Variants in DYNC1LI1 observed in about 807,000 individuals in gnomAD.
DYNC1LI1 encodes dynein cytoplasmic 1 light intermediate chain 1.
A neutral mutation model predicts 63.8 loss-of-function variants in DYNC1LI1; 19 were observed. That is an observed-to-expected ratio of 0.30 (90% CI 0.21 to 0.44). The LOEUF (loss-of-function observed/expected upper bound fraction) is 0.44. Among genes scored for constraint, DYNC1LI1 ranks in the 20% least tolerant of loss-of-function variants. The probability of loss-of-function intolerance (pLI) is 1.00; values close to 1 mark genes in which losing one functional copy is unlikely to be tolerated. For synonymous variants in DYNC1LI1, 225 were observed against 232.3 expected, an observed-to-expected ratio of 0.97 and a Z score of 0.28; for missense variants, 565 against 630.2, an observed-to-expected ratio of 0.90 and a Z score of 1.11.
Position 32,545,030 on chromosome 3 carries a change from G to C in DYNC1LI1, c.414C>G (p.Ala138=). 6.2e-7 allele frequency: 1 copy of C among 1,613,830 alleles called. No homozygotes were observed. Among genetic ancestry groups the C allele is most frequent in the South Asian group, 1.1e-5 (1 of 91,062 alleles). ...HKGLLKFSLD[A]VSLKDTLVML... is the part of the protein sequence containing the mutation. ...TAACTAGAGTATCCTTCAGAGATAC[G>C]GCATCCAGTGAAAATTTAAGGAGGC... The change falls in exon 4 of 13, where the codon GCC becomes GCG. Residue 138 remains alanine (A), a synonymous_variant. Coordinates refer to ENST00000273130, the MANE Select transcript of DYNC1LI1 (RefSeq NM_016141.4).
intron 5 of DYNC1LI1, among the ~76,000 whole-genome samples, chr3:32,539,478 C>T (rs1044392036): frequency 2.0e-5 from 3 of 151,942 alleles, no homozygotes; most frequent in East Asian, 1.9e-4. Flanking sequence ...CCATGACTTA[C>T]GAACAGTAAA....
chr3:32,570,550 C>T, intron 1 of DYNC1LI1, 75 bp downstream of exon 1: 1 of 1,511,326 alleles, frequency 6.6e-7, no homozygotes, highest in Non-Finnish European at 8.9e-7. Context: ...CGAGCTCCAG[C>T]GGGCACGGGA....
chr3:32,543,407 T>G (rs985477306), intron 4 of DYNC1LI1, among the ~76,000 whole-genome samples: 1 of 148,732 alleles, frequency 6.7e-6, no homozygotes, highest in Non-Finnish European at 1.5e-5. Flanking sequence ...TCTTTTTTTT[T>G]TTTTTTTTTT....
chr3:32,563,342 G>A (rs1341557630), intron 2 of DYNC1LI1, among the ~76,000 whole-genome samples: 1 of 148,094 alleles, frequency 6.8e-6, no homozygotes, highest in Non-Finnish European at 1.5e-5. Flanking sequence ...CCAGGCTGGA[G>A]TGCGGTGGCA....
chr3:32,530,364 C>T (rs115854413), intron 9 of DYNC1LI1, 36 bp from the exon 10 acceptor site: 2 of 1,562,588 alleles, frequency 1.3e-6, no homozygotes, highest in East Asian at 4.6e-5. Flanking sequence ...CTAGTTTAGA[C>T]ATTCATAGCA....
At chr3:32,569,565 T>C (rs1458960819) in intron 2 of DYNC1LI1, among the ~76,000 whole-genome samples, 1 of 152,186 alleles carries the variant, frequency 6.6e-6, no homozygotes, top group East Asian at 1.9e-4. Context: ...TGTAAAGAGC[T>C]ATATAGAGAA....
Position 32,561,787 on chromosome 3 carries a change from A to G in DYNC1LI1, c.220+8559T>C, listed in dbSNP as rs186127135. On this transcript the variant is annotated intron_variant, in intron 2 of 12. Transcript: ENST00000273130. ...GTATAACAATAATAATCTGTCTACC[A>G]ATCCATTATAATTATGGTATATCTA... Among the ~76,000 whole-genome samples, 10 of 152,272 alleles carry G rather than the reference A, an allele frequency of 6.6e-5. No individual in the cohort carries two copies. In the East Asian group the frequency reaches 1.7e-3, roughly 26 times the overall value.
intron 12 of DYNC1LI1, 78 bp downstream of exon 12, chr3:32,528,367 AC>A: frequency 6.6e-7 from 1 of 1,514,102 alleles, no homozygotes; most frequent in East Asian, 2.3e-5. Context: ...ACAGAATTAT[AC>A]ACTTTACATG....
chr3:32,558,518 C>A (rs756881835), intron 2 of DYNC1LI1, among the ~76,000 whole-genome samples: 27 of 150,908 alleles, frequency 1.8e-4, no homozygotes, highest in Non-Finnish European at 3.5e-4. Flanking sequence ...TCTAACTCAA[C>A]AATAGAATGT....
chr3:32,568,385 G>C (rs1045505125), intron 2 of DYNC1LI1, among the ~76,000 whole-genome samples: 1 of 152,118 alleles, frequency 6.6e-6, no homozygotes, highest in African/African-American at 2.4e-5. Context: ...ATACAAATCA[G>C]TTATTAGCTC....
At chr3:32,544,656 T>C (rs905258864) in intron 4 of DYNC1LI1, among the ~76,000 whole-genome samples, 8 of 151,072 alleles carry the variant, frequency 5.3e-5, no homozygotes, top group South Asian at 4.2e-4. Flanking sequence ...TAATACCAGC[T>C]ACTTGAACCC....
At chr3:32,529,770 C>A in intron 10 of DYNC1LI1, 110 bp from the exon 11 acceptor site, 1 of 927,840 alleles carries the variant, frequency 1.1e-6, no homozygotes, top group Non-Finnish European at 1.6e-6. Context: ...TCTACTGGTA[C>A]TTTTACACTG....
chr3:32,528,317 A>T, intron 12 of DYNC1LI1, 129 bp downstream of exon 12: 1 of 936,224 alleles, frequency 1.1e-6, no homozygotes, highest in Non-Finnish European at 1.6e-6. Flanking sequence ...AAATCAGATT[A>T]TGGTGATGGC....
At chr3:32,562,403 G>A (rs926997475) in intron 2 of DYNC1LI1, among the ~76,000 whole-genome samples, 8 of 152,152 alleles carry the variant, frequency 5.3e-5, no homozygotes, top group Admixed American at 2.0e-4. Flanking sequence ...GCAGTGGTGT[G>A]ATCACAGCTC....
At chr3:32,544,846 A>C in intron 4 of DYNC1LI1, 30 bp downstream of exon 4, 1 of 1,482,682 alleles carries the variant, frequency 6.7e-7, no homozygotes. Flanking sequence ...TTGTATTTGA[A>C]ACCTACATTA....
intron 2 of DYNC1LI1, among the ~76,000 whole-genome samples, chr3:32,559,058 C>CTT (rs113088362): frequency 2.4e-4 from 34 of 141,678 alleles, no homozygotes; most frequent in Admixed American, 9.2e-4. Flanking sequence ...ATTACTACTA[C>CTT]TTTTTTTTTT....
At chr3:32,541,671 A>T (rs995623492) in intron 4 of DYNC1LI1, among the ~76,000 whole-genome samples, 2 of 152,230 alleles carry the variant, frequency 1.3e-5, no homozygotes, top group Non-Finnish European at 2.9e-5. Context: ...ATCTTGGGCC[A>T]TGCTCATTCT....
At chr3:32,551,430 T>C (rs1202349007) in intron 2 of DYNC1LI1, among the ~76,000 whole-genome samples, 1 of 151,994 alleles carries the variant, frequency 6.6e-6, no homozygotes, top group African/African-American at 2.4e-5. Flanking sequence ...AAGCAAAAGG[T>C]GAAAACAAAC....
At position 32,528,580 on chromosome 3, in the gene DYNC1LI1, A is replaced by G. The variant is rs1559433109; in HGVS notation, c.1328T>C (p.Val443Ala). 1 of 1,612,314 alleles carries G rather than the reference A, an allele frequency of 6.2e-7. No homozygotes were observed. Among genetic ancestry groups the G allele is most frequent in the Non-Finnish European group, 8.5e-7 (1 of 1,179,234 alleles). Residue 443 changes from valine to alanine, a missense_variant, in exon 12 of 13, where the codon GTT becomes GCT. By Grantham distance (64) the Val-to-Ala change is moderately conservative. Transcript: ENST00000273130. ...CAAACTGTTGAAGAAATTTGCCAGA[A>G]CGCCTTCACTTGTAGCTCCAGCTAT... ...NMKAGATSEG[V>A]LANFFNSLLS...
Sources: allele counts gnomAD v4.1 joint callset (sites outside exome capture counted in the v4.1 genomes callset), GRCh38; gene constraint gnomAD v4.1.1; transcripts MANE v1.5; gene names NCBI Gene and HGNC (gene_info 2026-07-23, HGNC 2026-07-21).